Variants in TSHZ2 observed in about 807,000 individuals in gnomAD.
TSHZ2 encodes teashirt homolog 2.
In TSHZ2, 21 loss-of-function variants were observed where a neutral mutation model predicts 74.4. The ratio of observed to expected loss-of-function variants is 0.28; its 90% confidence interval spans 0.20 to 0.41. TSHZ2 has a LOEUF of 0.41. TSHZ2 is among the 10% of genes least tolerant of loss of function. The pLI is 1.00. For synonymous variants in TSHZ2, 540 were observed against 515.3 expected, an observed-to-expected ratio of 1.05 and a Z score of -0.65; for missense variants, 1,244 against 1,293.5, an observed-to-expected ratio of 0.96 and a Z score of 0.59.
chr20:53,331,680 T>C (rs921079667), intron 2 of TSHZ2, among the ~76,000 whole-genome samples: 3 of 152,122 alleles, frequency 2.0e-5, no homozygotes, highest in African/African-American at 4.8e-5. Context: ...ATTCACTGAA[T>C]TCCTGCTGCA....
At chr20:53,356,085 C>T (rs779900392) in intron 2 of TSHZ2, among the ~76,000 whole-genome samples, 1 of 152,160 alleles carries the variant, frequency 6.6e-6, no homozygotes, top group African/African-American at 2.4e-5. Context: ...AGGCCTGATA[C>T]TGAGGGTGCT....
intron 1 of TSHZ2, among the ~76,000 whole-genome samples, chr20:53,209,039 C>T (rs538646368): frequency 6.6e-6 from 1 of 152,290 alleles, no homozygotes; most frequent in South Asian, 2.1e-4. Flanking sequence ...AGCTTCTTTG[C>T]ATGTGAAAAA....
At chr20:53,236,439 C>T (rs1211160579) in intron 1 of TSHZ2, among the ~76,000 whole-genome samples, 1 of 152,202 alleles carries the variant, frequency 6.6e-6, no homozygotes, top group Non-Finnish European at 1.5e-5. Flanking sequence ...GTGCAAAATG[C>T]AAGATTTGTC....
chr20:53,002,916 T>G (rs898574036), intron 1 of TSHZ2, among the ~76,000 whole-genome samples: 1 of 152,200 alleles, frequency 6.6e-6, no homozygotes, highest in African/African-American at 2.4e-5. Context: ...CAGGGCCTAT[T>G]GATTATGAGG....
At chr20:53,440,797 C>G (rs905933984) in intron 2 of TSHZ2, among the ~76,000 whole-genome samples, 2 of 152,138 alleles carry the variant, frequency 1.3e-5, no homozygotes, top group Non-Finnish European at 2.9e-5. Flanking sequence ...TTTCTTAGCT[C>G]AAGAGCTGCA....
chr20:53,363,062 G>C (rs528189636), intron 2 of TSHZ2, among the ~76,000 whole-genome samples: 2 of 152,352 alleles, frequency 1.3e-5, no homozygotes, highest in East Asian at 1.9e-4. Flanking sequence ...ATGGTGCACA[G>C]TGAGTGGGTG....
At chr20:53,291,008 A>C (rs1347053444) in intron 2 of TSHZ2, among the ~76,000 whole-genome samples, 1 of 152,218 alleles carries the variant, frequency 6.6e-6, no homozygotes. Flanking sequence ...AGTCCTTTAC[A>C]GGAAAAATTT....
intron 2 of TSHZ2, among the ~76,000 whole-genome samples, chr20:53,409,280 T>C (rs966436342): frequency 6.6e-6 from 1 of 152,166 alleles, no homozygotes; most frequent in African/African-American, 2.4e-5. Flanking sequence ...AAAAAAATTA[T>C]CTTTCTAAAC....
intron 2 of TSHZ2, among the ~76,000 whole-genome samples, chr20:53,392,569 A>G (rs1320807294): frequency 6.6e-6 from 1 of 152,258 alleles, no homozygotes; most frequent in Non-Finnish European, 1.5e-5. Flanking sequence ...AATTAAGTAT[A>G]AATCCACATT....
At chr20:53,167,974 C>A (rs924972489) in intron 1 of TSHZ2, among the ~76,000 whole-genome samples, 20 of 152,190 alleles carry the variant, frequency 1.3e-4, no homozygotes, top group South Asian at 2.1e-4. Flanking sequence ...AAACTGACTG[C>A]CACAATCTGG....
intron 1 of TSHZ2, among the ~76,000 whole-genome samples, chr20:53,047,807 C>T (rs1305808857): frequency 3.3e-5 from 5 of 152,102 alleles, no homozygotes; most frequent in Admixed American, 2.6e-4. Context: ...ACTACTGCTG[C>T]CTTCAACATC....
At chr20:53,145,718 C>T (rs1987524192) in intron 1 of TSHZ2, among the ~76,000 whole-genome samples, 1 of 152,190 alleles carries the variant, frequency 6.6e-6, no homozygotes, top group Non-Finnish European at 1.5e-5. Flanking sequence ...TCCAGCATTT[C>T]CAGCTTGCCC....
chr20:53,481,108 C>A (rs1416586048), intron 2 of TSHZ2, among the ~76,000 whole-genome samples: 1 of 152,116 alleles, frequency 6.6e-6, no homozygotes, highest in Non-Finnish European at 1.5e-5. Flanking sequence ...ACAGTATCCA[C>A]TTCCTTTTTT....
chr20:53,381,277 A>C (rs1981850152), intron 2 of TSHZ2, among the ~76,000 whole-genome samples: 1 of 152,216 alleles, frequency 6.6e-6, no homozygotes, highest in African/African-American at 2.4e-5. Context: ...CATCAGGTCT[A>C]CTGTACATCA....
intron 1 of TSHZ2, among the ~76,000 whole-genome samples, chr20:53,027,044 T>C (rs1295223427): frequency 6.6e-6 from 1 of 152,096 alleles, no homozygotes; most frequent in Non-Finnish European, 1.5e-5. Context: ...AGTACTCTAA[T>C]GTACTCTAAT....
intron 2 of TSHZ2, among the ~76,000 whole-genome samples, chr20:53,380,720 A>G (rs1290203829): frequency 6.6e-6 from 1 of 152,254 alleles, no homozygotes; most frequent in African/African-American, 2.4e-5. Flanking sequence ...TGGAAAAATA[A>G]ACTTCACTGC....
chr20:53,215,275 G>A (rs1056996522), intron 1 of TSHZ2, among the ~76,000 whole-genome samples: 1 of 151,992 alleles, frequency 6.6e-6, no homozygotes, highest in Non-Finnish European at 1.5e-5. Flanking sequence ...CCACTTCCCG[G>A]GATTCCAGTA....
At chr20:53,342,178 T>A (rs112914591) in intron 2 of TSHZ2, among the ~76,000 whole-genome samples, 1,710 of 152,214 alleles carry the variant, frequency 0.011, 35 homozygotes, top group African/African-American at 0.035. Flanking sequence ...CATACTCTAT[T>A]CAGATTTCCT....
At chr20:53,307,514 C>T (rs1446270178) in intron 2 of TSHZ2, among the ~76,000 whole-genome samples, 1 of 152,162 alleles carries the variant, frequency 6.6e-6, no homozygotes, top group Admixed American at 6.5e-5. Flanking sequence ...CAGACTGTTT[C>T]TCAGCCCTGG....
Sources: allele counts gnomAD v4.1 joint callset (sites outside exome capture counted in the v4.1 genomes callset), GRCh38; gene constraint gnomAD v4.1.1; transcripts MANE v1.5; gene names NCBI Gene and HGNC (gene_info 2026-07-23, HGNC 2026-07-21).